The following BRPF3 variants were observed in gnomAD, a reference collection of about 807,000 sequenced individuals.
BRPF3 encodes the protein bromodomain and PHD finger containing 3.
BRPF3 carries 18 observed loss-of-function variants against 102.0 expected under a neutral mutation model. The ratio of observed to expected loss-of-function variants is 0.18; its 90% CI spans 0.12 to 0.26. The LOEUF (loss-of-function observed/expected upper bound fraction) is 0.26. Ranked by LOEUF, BRPF3 falls within the 10% of genes least tolerant of loss-of-function variation. BRPF3 has a pLI of 1.00. For synonymous variants in BRPF3, 570 were observed against 614.2 expected (o/e 0.93, Z 1.06); for missense variants, 1,147 against 1,567.8 (o/e 0.73, Z 4.53).
At chr6:36,198,385 G>C (rs1266955259) in intron 1 of BRPF3, among the ~76,000 whole-genome samples, 2 of 152,176 alleles carry the variant, frequency 1.3e-5, no homozygotes, top group Non-Finnish European at 2.9e-5. Flanking sequence ...AGGTCACAGA[G>C]GGCCAAGATT....
chr6:36,229,095 C>T lies in BRPF3; in HGVS notation c.3434+39C>T, dbSNP rs374589120. ...GCTGTGAGGGGGCTGAGGGGCACGCCAGGGGTCTGTGCCAGTGGTGCTGTG... is the reference window on the plus strand; with the variant it reads ...GCTGTGAGGGGGCTGAGGGGCACGCTAGGGGTCTGTGCCAGTGGTGCTGTG... On this transcript the variant is annotated intron_variant, in intron 12 of 12. Coordinates refer to ENST00000357641, the MANE Select transcript of BRPF3 (RefSeq NM_015695.3). The T allele has an allele frequency of 3.6e-5, 57 of 1,601,886 alleles. No homozygotes were observed. In the African/African-American group the frequency reaches 6.3e-4, roughly 18 times the overall value.
intron 10 of BRPF3, among the ~76,000 whole-genome samples, chr6:36,222,920 T>C (rs1319188740): frequency 6.6e-6 from 1 of 152,214 alleles, no homozygotes; most frequent in Non-Finnish European, 1.5e-5. Context: ...GAAGTGTGTG[T>C]TTGTAGTTTT....
chr6:36,226,974 A>C (rs1768762070), intron 11 of BRPF3, among the ~76,000 whole-genome samples: 1 of 152,252 alleles, frequency 6.6e-6, no homozygotes, highest in African/African-American at 2.4e-5. Flanking sequence ...TAAAAAACAA[A>C]CAGACAGAAT....
Position 36,230,083 on chromosome 6 carries a change from G to T in BRPF3, c.3435-343G>T, listed in dbSNP as rs1402016874. On this transcript the variant is annotated intron_variant, in intron 12 of 12. Coordinates refer to ENST00000357641, the MANE Select transcript of BRPF3 (RefSeq NM_015695.3). The surrounding 1 kb of genome is among the most constrained non-coding windows in gnomAD (Gnocchi z 5.4). Reference sequence around the variant, plus strand: ...CCCTAATTCTCCAACGCAAGGCGAGGCTCAGAGCCCTCCAGGGTGGCTCAG... The same window carrying T: ...CCCTAATTCTCCAACGCAAGGCGAGTCTCAGAGCCCTCCAGGGTGGCTCAG... Among the ~76,000 whole-genome samples the T allele has an allele frequency of 6.6e-6, 1 of 152,176 alleles. No homozygotes were observed. The highest frequency in any genetic ancestry group is 2.4e-5 in the African/African-American group (1 of 41,442).
Position 36,230,760 on chromosome 6 carries a change from C to T in BRPF3, c.*151C>T. Reference sequence around the variant, plus strand: ...TTTCTCCCCACTAAGGGCAAGGCCCCAGTTTTGACCAATCGCATGGTTCTC... The same window carrying T: ...TTTCTCCCCACTAAGGGCAAGGCCCTAGTTTTGACCAATCGCATGGTTCTC... On this transcript the variant is annotated 3_prime_UTR_variant, in exon 13 of 13. Coordinates refer to ENST00000357641, the MANE Select transcript of BRPF3 (RefSeq NM_015695.3). The surrounding 1 kb of genome is among the most constrained non-coding windows in gnomAD (Gnocchi z 5.4). The T allele has an allele frequency of 2.0e-6, 2 of 981,646 alleles. No homozygotes were observed. The highest frequency in any genetic ancestry group is 3.0e-6 in the Non-Finnish European group (2 of 677,224). 60.8% of individuals were successfully genotyped at this position (981,646 alleles called of 1,614,324 possible).
chr6:36,206,554 C>A (rs1173025522), intron 3 of BRPF3, among the ~76,000 whole-genome samples: 1 of 152,178 alleles, frequency 6.6e-6, no homozygotes, highest in African/African-American at 2.4e-5. Flanking sequence ...CTGTTCTGGC[C>A]AGCCTGTTTC....
At chr6:36,202,418 C>A (rs370129187) in intron 2 of BRPF3, among the ~76,000 whole-genome samples, 15 of 141,756 alleles carry the variant, frequency 1.1e-4, no homozygotes, top group Admixed American at 7.0e-4. Flanking sequence ...GGACCCCCCC[C>A]CCCTCCGCCC....
At position 36,230,231 on chromosome 6, in the gene BRPF3, G is replaced by A. The variant is rs186435016; in HGVS notation, c.3435-195G>A. Among the ~76,000 whole-genome samples, 2 of 152,010 alleles carry A rather than the reference G, an allele frequency of 1.3e-5. No homozygotes were observed. Among genetic ancestry groups the A allele is most frequent in the East Asian group, 3.9e-4 (2 of 5,160 alleles). ...TTGATTCCATGCCATTCCCCCACCC[G>A]ACTCCTGCATATCCTGCTTGCTGTC... On this transcript the variant is annotated intron_variant, in intron 12 of 12. Transcript: ENST00000357641. This position sits in a 1 kb window ranked among gnomAD's most constrained non-coding sequence, Gnocchi z 5.4.
chr6:36,203,793 C>T (rs1767803911), intron 2 of BRPF3, among the ~76,000 whole-genome samples: 1 of 152,184 alleles, frequency 6.6e-6, no homozygotes, highest in Non-Finnish European at 1.5e-5. Context: ...CATGGTATAG[C>T]AGAGAGATCG....
chr6:36,198,321 C>T (rs939607289), intron 1 of BRPF3, among the ~76,000 whole-genome samples: 3 of 152,080 alleles, frequency 2.0e-5, no homozygotes, highest in Admixed American at 1.3e-4. Context: ...GATTGTGTTA[C>T]CCTCATTTTA....
intron 4 of BRPF3, among the ~76,000 whole-genome samples, chr6:36,207,859 C>T (rs1460338466): frequency 6.6e-6 from 1 of 152,204 alleles, no homozygotes; most frequent in Non-Finnish European, 1.5e-5. Context: ...GAATCATTTA[C>T]ATTTTCTGTT....
Position 36,210,275 on chromosome 6 carries a change from G to T in BRPF3, c.1926G>T (p.Lys642Asn). The T allele has an allele frequency of 6.2e-7, 1 of 1,614,242 alleles. No individual in the cohort carries two copies. The highest frequency in any genetic ancestry group is 8.5e-7 in the Non-Finnish European group (1 of 1,180,044). Residue 642 changes from lysine to asparagine, a missense_variant, in exon 6 of 13, where the codon AAG (lysine) becomes AAT (asparagine). Lys to Asn is a moderately conservative substitution (Grantham distance 94). Around this residue, in one of 11 missense-constraint regions of BRPF3, gnomAD observed 109 missense variants for 175.1 expected, o/e 0.62. Transcript: ENST00000357641. This position sits in a 1 kb window ranked among gnomAD's most constrained non-coding sequence, Gnocchi z 4.7. ...KPMDFSTMRRKLESHLYRTLE... is the reference protein window; with the variant it reads ...KPMDFSTMRRNLESHLYRTLE... ...TGGATTTTTCTACTATGAGGCGGAA[G>T]CTGGAGTCCCACCTGTACCGCACCT...
rs1419689767 is a variant in BRPF3, at chr6:36,231,119, C to T, written c.*510C>T. On this transcript the variant is annotated 3_prime_UTR_variant, in exon 13 of 13. Transcript: ENST00000357641. ...TCTTCTCGGTCCCATCTTCTGCACCCATTGCCCAGTCTTGCTTTCTCTTTC... is the reference window on the plus strand; with the variant it reads ...TCTTCTCGGTCCCATCTTCTGCACCTATTGCCCAGTCTTGCTTTCTCTTTC... 1 of 154,144 alleles carries T rather than the reference C, an allele frequency of 6.5e-6. No individual in the cohort carries two copies. The highest frequency in any genetic ancestry group is 2.4e-5 in the African/African-American group (1 of 41,422). The allele number at this position is 154,144 out of a possible 1,614,324, so 9.5% of individuals were successfully genotyped here. A position where few individuals can be genotyped will look rare whatever the true frequency, so the allele number is the denominator to read the frequency against.
chr6:36,196,886 G>T lies in BRPF3; in HGVS notation c.-111G>T, dbSNP rs1296361812. ...CAGGCGCGGGAGAAGACCGCGCTCC[G>T]CTTCCCGGGCCGCGCCGACCTGCTC... On this transcript the variant is annotated 5_prime_UTR_variant, in exon 1 of 13. Transcript: ENST00000357641. 2 of 151,700 alleles carry T rather than the reference G, an allele frequency of 1.3e-5. No individual in the cohort carries two copies. Among genetic ancestry groups the T allele is most frequent in the Non-Finnish European group, 3.0e-5 (2 of 67,670 alleles). 9.4% of individuals were successfully genotyped at this position (151,700 alleles called of 1,614,324 possible). A position where few individuals can be genotyped will look rare whatever the true frequency, so the allele number is the denominator to read the frequency against.
Position 36,200,228 on chromosome 6 carries a change from G to A in BRPF3, c.-26-69G>A. 3 of 1,453,570 alleles carry A rather than the reference G, an allele frequency of 2.1e-6. No individual in the cohort carries two copies. Among genetic ancestry groups the A allele is most frequent in the Non-Finnish European group, 2.7e-6 (3 of 1,104,782 alleles). 90.0% of individuals were successfully genotyped at this position (1,453,570 alleles called of 1,614,324 possible). A position where few individuals can be genotyped will look rare whatever the true frequency, so the allele number is the denominator to read the frequency against. Reference sequence around the variant, plus strand: ...AAGCCAGTCCTCTTGGTGGATGCTTGATCATATGGGAGGATGAATGGGTGC... The same window carrying A: ...AAGCCAGTCCTCTTGGTGGATGCTTAATCATATGGGAGGATGAATGGGTGC... On this transcript the variant is annotated intron_variant, in intron 1 of 12. Transcript: ENST00000357641. This position sits in a 1 kb window ranked among gnomAD's most constrained non-coding sequence, Gnocchi z 5.3.
intron 11 of BRPF3, among the ~76,000 whole-genome samples, chr6:36,225,671 G>A (rs896379944): frequency 4.6e-5 from 7 of 152,198 alleles, no homozygotes; most frequent in African/African-American, 1.7e-4. Flanking sequence ...ATAATGCTTA[G>A]ACGTTTTATT....
intron 11 of BRPF3, among the ~76,000 whole-genome samples, chr6:36,228,240 C>T (rs1343203191): frequency 6.6e-6 from 1 of 152,236 alleles, no homozygotes; most frequent in Non-Finnish European, 1.5e-5. Flanking sequence ...TTTGAAAGTG[C>T]TCCCTAGACC....
chr6:36,222,433 CT>C (rs11353386), intron 10 of BRPF3, among the ~76,000 whole-genome samples, 168 bp downstream of exon 10: 128,510 of 147,492 alleles, frequency 0.87, 55,945 homozygotes, highest in East Asian at 0.97. Flanking sequence ...CAATCATACT[CT>C]TTTTTTTTTT....
rs1194692998 is a variant in BRPF3 at position 36,214,332 on chromosome 6, A to T, written c.2935A>T (p.Arg979Trp). ...CCACTCCCGGAAGCGGCCAAGGAGC[A>T]GGAGCTGTAGTGAGAGCGAAGGGGA... is the stretch of plus-strand genomic sequence containing the variant. ...ERHSRKRPRS[R>W]SCSESEGERS... The change falls in exon 8 of 13, where the codon AGG (arginine) becomes TGG (tryptophan). Residue 979 changes from arginine to tryptophan, a missense_variant. Around this residue, in one of 11 missense-constraint regions of BRPF3, gnomAD observed 379 missense variants for 426.3 expected, o/e 0.89. Transcript: ENST00000357641. The T allele has an allele frequency of 1.2e-6, 2 of 1,612,884 alleles. No individual in the cohort carries two copies. The highest frequency in any genetic ancestry group is 2.2e-5 in the South Asian group (2 of 90,978).
Sources: gnomAD v4.1 joint callset for allele counts (sites outside exome capture counted in the v4.1 genomes callset) on GRCh38, gnomAD v4.1.1 for gene constraint, gnomAD v4.1.1 regional missense constraint, Gnocchi (gnomAD v3.1) non-coding constraint, MANE v1.5 for transcripts, NCBI Gene and HGNC (gene_info 2026-07-23, HGNC 2026-07-21) for gene names.